Variants in AMPD1 observed in about 807,000 individuals in gnomAD.
AMPD1 encodes the protein AMP deaminase 1.
In AMPD1, 74 loss-of-function variants were observed where a neutral mutation model predicts 82.9. That is an observed-to-expected ratio of 0.89 (90% CI 0.74 to 1.08). AMPD1 has a LOEUF of 1.08. AMPD1 is among the 50% of genes least tolerant of loss of function. The pLI is 0.00. For missense variants in AMPD1, 881 were observed against 924.5 expected (o/e 0.95, Z 0.61); for synonymous variants, 333 against 320.5 (o/e 1.04, Z -0.42).
At chr1:114,678,266 C>G in intron 8 of AMPD1, 67 bp downstream of exon 8, 1 of 1,570,314 alleles carries the variant, frequency 6.4e-7, no homozygotes, top group South Asian at 1.1e-5. Flanking sequence ...GAAGGGAGGG[C>G]TTGTAGGAGA....
At chr1:114,679,357 T>C (rs973337247) in intron 7 of AMPD1, among the ~76,000 whole-genome samples, 1 of 152,208 alleles carries the variant, frequency 6.6e-6, no homozygotes, top group Non-Finnish European at 1.5e-5. Flanking sequence ...ATAACTATAA[T>C]TTTTTGTGCC....
chr1:114,677,860 T>C, intron 9 of AMPD1, 50 bp downstream of exon 9: 2 of 1,427,784 alleles, frequency 1.4e-6, no homozygotes, highest in East Asian at 3.6e-5. Flanking sequence ...CTTCTTCCCT[T>C]TCCTCAAGAA....
At chr1:114,677,844 T>TCCTTCTTC (rs1658044621) in intron 9 of AMPD1, 66 bp downstream of exon 9, 1 of 1,366,844 alleles carries the variant, frequency 7.3e-7, no homozygotes, top group Non-Finnish European at 9.8e-7. Context: ...CTTCCTTCCT[T>TCCTTCTTC]CCTTCCTTCT....
chr1:114,685,582 G>A (rs1658291168), intron 4 of AMPD1, among the ~76,000 whole-genome samples: 1 of 152,162 alleles, frequency 6.6e-6, no homozygotes, highest in Non-Finnish European at 1.5e-5. Context: ...CCAGGTCAAG[G>A]TTTCAGGTGC....
intron 8 of AMPD1, 122 bp downstream of exon 8, chr1:114,678,211 G>T: frequency 6.8e-7 from 1 of 1,463,360 alleles, no homozygotes; most frequent in Admixed American, 1.7e-5. Context: ...TGTCTGTGGT[G>T]CTTTCAGGCA....
At chr1:114,678,939 A>G (rs954784543) in intron 7 of AMPD1, among the ~76,000 whole-genome samples, 6 of 152,224 alleles carry the variant, frequency 3.9e-5, no homozygotes, top group Non-Finnish European at 5.9e-5. Flanking sequence ...AGATATTCTT[A>G]TAACTAAATT....
rs140554709 is a variant in AMPD1 at position 114,688,838 on chromosome 1, C to T, written c.35-97G>A. The T allele has an allele frequency of 8.5e-4, 1,146 of 1,355,398 alleles. 4 individuals carry two copies. Among genetic ancestry groups the T allele is most frequent in the Middle Eastern group, 3.2e-3 (18 of 5,580 alleles). 84.0% of individuals were successfully genotyped at this position (1,355,398 alleles called of 1,614,324 possible). On this transcript the variant is annotated intron_variant, in intron 2 of 15. Transcript: ENST00000520113. ...AAGGCATGGGACAAGGACTGTGCTGCGTGCATGGCTCTCCTGCTTTCCAAC... is the reference window on the plus strand; with the variant it reads ...AAGGCATGGGACAAGGACTGTGCTGTGTGCATGGCTCTCCTGCTTTCCAAC...
intron 6 of AMPD1, 37 bp from the exon 7 acceptor site, chr1:114,679,745 C>T (rs1297128460): frequency 4.3e-6 from 7 of 1,612,844 alleles, no homozygotes; most frequent in Non-Finnish European, 5.9e-6. Context: ...CAAAAAGTTT[C>T]AGGCATTCAA....
chr1:114,688,628 A>G lies in AMPD1; in HGVS notation c.148T>C (p.Ser50Pro), dbSNP rs1188135643. The part of the protein sequence containing the change: ...PFDVDEICPI[S>P]HHEMQAHIFH... The stretch of plus-strand genomic sequence containing the variant: ...ATGTGTGCTTGCATCTCATGATGAG[A>G]AATCGGACAGATCTCATCCACATCA... The change falls in exon 3 of 16, where the codon TCT (serine) becomes CCT (proline). Residue 50 changes from serine (S) to proline (P), a missense_variant. Ser to Pro is a moderately conservative substitution (Grantham distance 74, BLOSUM62 -1). This residue lies in a region of AMPD1 where 783 missense variants were observed against 786.4 expected (regional missense o/e 1.00). Coordinates refer to ENST00000520113, the MANE Select transcript of AMPD1 (RefSeq NM_000036.3). The G allele has an allele frequency of 6.2e-7, 1 of 1,614,066 alleles. No individual in the cohort carries two copies. The highest frequency in any genetic ancestry group is 8.5e-7 in the Non-Finnish European group (1 of 1,180,030).
rs150190849 is a variant in AMPD1, at chr1:114,678,454, T to C, written c.971A>G (p.Gln324Arg). Residue 324 changes from glutamine to arginine, a missense_variant, in exon 8 of 16, where the codon CAA (glutamine) becomes CGA (arginine). Physicochemically the swap from Gln to Arg is conservative, Grantham distance 43. Around this residue, in one of 2 missense-constraint regions of AMPD1, gnomAD observed 783 missense variants for 786.4 expected, o/e 1.00. Coordinates refer to ENST00000520113, the MANE Select transcript of AMPD1 (RefSeq NM_000036.3). ...ATAGACCACTCTGTCAGCATCAATT[T>C]GGTAAGATTTCTTAATAAAACGCAG... The part of the protein sequence containing the change: ...HLLRFIKKSY[Q>R]IDADRVVYST... 793 of 1,614,218 alleles carry C rather than the reference T, an allele frequency of 4.9e-4. No individual in the cohort carries two copies. The highest frequency in any genetic ancestry group is 6.5e-4 in the Non-Finnish European group (765 of 1,180,032).
chr1:114,676,380 A>AT (rs1657981496), intron 10 of AMPD1: 1 of 277,656 alleles, frequency 3.6e-6, no homozygotes, highest in African/African-American at 2.2e-5. Flanking sequence ...CTGATCTGCA[A>AT]TTTAACAAAC....
chr1:114,687,127 T>C (rs1162506031), intron 3 of AMPD1: 2 of 591,546 alleles, frequency 3.4e-6, no homozygotes, highest in Non-Finnish European at 6.1e-6. Context: ...TGGAATGGCC[T>C]TAGCAATCCT....
chr1:114,689,355 C>T (rs1183372788), intron 2 of AMPD1, among the ~76,000 whole-genome samples: 1 of 152,192 alleles, frequency 6.6e-6, no homozygotes, highest in East Asian at 1.9e-4. Flanking sequence ...CTAACATTTA[C>T]TACCAAGTGC....
Position 114,678,470 on chromosome 1 carries a change from T to A in AMPD1, c.955A>T (p.Ile319Phe). Residue 319 changes from isoleucine to phenylalanine, a missense_variant, in exon 8 of 16, where the codon ATT (isoleucine) becomes TTT (phenylalanine). Around this residue, in one of 2 missense-constraint regions of AMPD1, gnomAD observed 783 missense variants for 786.4 expected, o/e 1.00. Transcript: ENST00000520113. The part of the protein sequence containing the change: ...CMNQKHLLRF[I>F]KKSYQIDADR... The stretch of plus-strand genomic sequence containing the variant: ...GCATCAATTTGGTAAGATTTCTTAA[T>A]AAAACGCAGCAGATGTTTCTGGTTC... The A allele has an allele frequency of 6.2e-7, 1 of 1,614,206 alleles. No homozygotes were observed. Among genetic ancestry groups the A allele is most frequent in the East Asian group, 2.2e-5 (1 of 44,892 alleles).
chr1:114,687,114 C>T (rs1462225272), intron 3 of AMPD1: 1 of 632,510 alleles, frequency 1.6e-6, no homozygotes, highest in Non-Finnish European at 2.8e-6. Flanking sequence ...CCCTGGTCTA[C>T]CTTGGAATGG....
chr1:114,674,521 G>C (rs546981862), intron 13 of AMPD1, among the ~76,000 whole-genome samples: 2 of 152,318 alleles, frequency 1.3e-5, no homozygotes, highest in East Asian at 1.9e-4. Context: ...TTCTAAGCTA[G>C]AAGTCAGGAG....
Position 114,677,511 on chromosome 1 carries a change from C to G in AMPD1, c.1228G>C (p.Val410Leu). The G allele has an allele frequency of 6.2e-7, 1 of 1,613,654 alleles. No individual in the cohort carries two copies. The highest frequency in any genetic ancestry group is 8.5e-7 in the Non-Finnish European group (1 of 1,179,954). ...GEYFATIIKEVGADLVEAKYQ... is the reference protein window; with the variant it reads ...GEYFATIIKELGADLVEAKYQ... ...TTGGCCTCCACCAGGTCCGCACCTA[C>G]CTCCTGCAAAGCCAAGAGAGAAGTC... Residue 410 changes from valine (V) to leucine (L), a missense_variant, in exon 10 of 16, where the codon GTA becomes CTA. Transcript: ENST00000520113.
In AMPD1 at chr1:114,677,361, G is replaced by A. The variant is rs866945097; in HGVS notation, c.1378C>T (p.Pro460Ser). ...TGGGCAGGTACATACTAGATCCTGGGAACCTGGATCATCCATGTCATGTTG... is the reference window on the plus strand; with the variant it reads ...TGGGCAGGTACATACTAGATCCTGGAAACCTGGATCATCCATGTCATGTTG... ...CPNMTWMIQV[P>S]RIYDVFRSKN... The change falls in exon 10 of 16, where the codon CCC (proline) becomes TCC (serine). Residue 460 changes from proline to serine, a missense_variant. Pro to Ser is a moderately conservative substitution (Grantham distance 74). Around this residue, in one of 2 missense-constraint regions of AMPD1, gnomAD observed 783 missense variants for 786.4 expected, o/e 1.00. Transcript: ENST00000520113. 8 of 1,610,026 alleles carry A rather than the reference G, an allele frequency of 5.0e-6. No individual in the cohort carries two copies. Among genetic ancestry groups the A allele is most frequent in the Non-Finnish European group, 6.8e-6 (8 of 1,179,226 alleles).
At position 114,688,759 on chromosome 1, in the gene AMPD1, A is replaced by G. The variant is rs1206097471; in HGVS notation, c.35-18T>C. On this transcript the variant is annotated intron_variant, in intron 2 of 15. Transcript: ENST00000520113. Reference sequence around the variant, plus strand: ...ATCAATTTCTAAAAGAGGTTTTCACATATTAGTGTTCAAGCCCCTTTTCAA... The same window carrying G: ...ATCAATTTCTAAAAGAGGTTTTCACGTATTAGTGTTCAAGCCCCTTTTCAA... 1 of 1,614,136 alleles carries G rather than the reference A, an allele frequency of 6.2e-7. No individual in the cohort carries two copies. Among genetic ancestry groups the G allele is most frequent in the Non-Finnish European group, 8.5e-7 (1 of 1,179,962 alleles).
Sources: allele counts gnomAD v4.1 joint callset (sites outside exome capture counted in the v4.1 genomes callset), GRCh38; gene constraint gnomAD v4.1.1; regional missense constraint gnomAD v4.1.1; transcripts MANE v1.5; gene names NCBI Gene and HGNC (gene_info 2026-07-23, HGNC 2026-07-21).